Variants in RFX4 observed in about 807,000 individuals in gnomAD.
The protein encoded by RFX4 is transcription factor RFX4.
RFX4 carries 10 observed loss-of-function variants against 95.0 expected under a neutral mutation model. The ratio of observed to expected loss-of-function variants is 0.11; its 90% CI spans 0.06 to 0.18. The LOEUF is 0.18. Among genes scored for constraint, RFX4 ranks in the 10% least tolerant of loss-of-function variants. The probability of loss-of-function intolerance (pLI) is 1.00; values close to 1 mark genes in which losing one functional copy is unlikely to be tolerated. For missense variants in RFX4, 640 were observed against 922.0 expected (o/e 0.69, Z 3.96); for synonymous variants, 321 against 340.7 (o/e 0.94, Z 0.64).
chr12:106,595,121 T>G (rs556668097), intron 1 of RFX4, among the ~76,000 whole-genome samples: 5 of 152,238 alleles, frequency 3.3e-5, no homozygotes, highest in Non-Finnish European at 7.3e-5. Flanking sequence ...TTAACTCACA[T>G]ATTGACTCTA....
intron 2 of RFX4, among the ~76,000 whole-genome samples, chr12:106,618,881 T>C (rs1048662255): frequency 1.3e-5 from 2 of 152,184 alleles, no homozygotes; most frequent in African/African-American, 4.8e-5. Context: ...TGTTTTCTTC[T>C]GCTAGCTTTT....
At chr12:106,664,959 A>G (rs377720125) in intron 4 of RFX4, among the ~76,000 whole-genome samples, 1 of 152,018 alleles carries the variant, frequency 6.6e-6, no homozygotes, top group African/African-American at 2.4e-5. Context: ...AATGTGCCAT[A>G]TAAGTTTGAG....
At chr12:106,733,916 A>G (rs1245362099) in intron 15 of RFX4, among the ~76,000 whole-genome samples, 1 of 152,242 alleles carries the variant, frequency 6.6e-6, no homozygotes, top group Non-Finnish European at 1.5e-5. Context: ...AAAGGCAGAA[A>G]CCACTGAAGC....
At chr12:106,715,309 T>A (rs1288529479) in intron 10 of RFX4, 91 bp from the exon 11 acceptor site, 3 of 1,444,218 alleles carry the variant, frequency 2.1e-6, no homozygotes, top group African/African-American at 2.8e-5. Flanking sequence ...CAAAATACCA[T>A]AAGCAGATGC....
At chr12:106,760,965 T>A (rs1276141401) in intron 17 of RFX4, among the ~76,000 whole-genome samples, 2 of 152,126 alleles carry the variant, frequency 1.3e-5, no homozygotes, top group Non-Finnish European at 2.9e-5. Context: ...AAAGCCAGTA[T>A]AACCGCATGA....
At chr12:106,650,688 A>G (rs1264751046) in intron 3 of RFX4, among the ~76,000 whole-genome samples, 1 of 152,030 alleles carries the variant, frequency 6.6e-6, no homozygotes, top group Non-Finnish European at 1.5e-5. Context: ...AGATGTCGCC[A>G]TTTCACTCCA....
chr12:106,741,764 C>T (rs1263252801), intron 15 of RFX4, among the ~76,000 whole-genome samples: 1 of 151,886 alleles, frequency 6.6e-6, no homozygotes, highest in East Asian at 1.9e-4. Context: ...CACCAGGGAC[C>T]GGTTTTGTGG....
At position 106,709,384 on chromosome 12, in the gene RFX4, G is replaced by C; in HGVS notation, c.888G>C (p.Val296=). 6.2e-7 allele frequency: 1 copy of C among 1,613,270 alleles called. No homozygotes were observed. Among genetic ancestry groups the C allele is most frequent in the Non-Finnish European group, 8.5e-7 (1 of 1,179,836 alleles). Residue 296 remains valine (V), a synonymous_variant, in exon 9 of 18, where the codon GTG becomes GTC. Coordinates refer to ENST00000392842, the MANE Select transcript of RFX4 (RefSeq NM_213594.3). ...AGCAACTGGATGAGTGGCTAAAAGT[G>C]GCTCTCCACGACCTCCCAGAAAACT... ...FAKQLDEWLK[V]ALHDLPENLR... is the part of the protein sequence containing the mutation.
chr12:106,655,135 C>T (rs1321764692), intron 4 of RFX4, among the ~76,000 whole-genome samples: 1 of 152,112 alleles, frequency 6.6e-6, no homozygotes, highest in East Asian at 1.9e-4. Flanking sequence ...GTATGAGTTT[C>T]AGGAATTCCC....
At chr12:106,671,748 G>A (rs548186454) in intron 4 of RFX4, among the ~76,000 whole-genome samples, 4 of 152,116 alleles carry the variant, frequency 2.6e-5, no homozygotes, top group Non-Finnish European at 2.9e-5. Flanking sequence ...TGCAACTTCC[G>A]CCTCTCAGGT....
chr12:106,591,650 C>T (rs2039548119), intron 1 of RFX4, among the ~76,000 whole-genome samples: 2 of 152,190 alleles, frequency 1.3e-5, no homozygotes, highest in African/African-American at 4.8e-5. Flanking sequence ...ACCTTTACTA[C>T]ACACGTGAAA....
intron 3 of RFX4, among the ~76,000 whole-genome samples, chr12:106,649,053 TAAATAGAAGATAAGGA>T (rs1419957663): frequency 1.3e-5 from 2 of 152,038 alleles, no homozygotes. Flanking sequence ...ATCAAGTTGT[TAAATAGAAGATAAGGA>T]AAATGGAAGA....
At chr12:106,671,560 C>CT (rs143800425) in intron 4 of RFX4, among the ~76,000 whole-genome samples, 3 of 152,240 alleles carry the variant, frequency 2.0e-5, no homozygotes, top group African/African-American at 7.2e-5. Context: ...TGGCCAGAGA[C>CT]TGTGAATGGA....
chr12:106,661,334 G>A (rs545556356), intron 4 of RFX4, among the ~76,000 whole-genome samples: 45 of 152,256 alleles, frequency 3.0e-4, no homozygotes, highest in East Asian at 3.9e-4. Context: ...TTTAATCCTC[G>A]CATACTCTGT....
At chr12:106,585,680 G>T (rs1172946686) in intron 1 of RFX4, 2 of 152,204 alleles carry the variant, frequency 1.3e-5, no homozygotes, top group Non-Finnish European at 2.9e-5. Context: ...GTTCGATTCT[G>T]CTCCTTTTGT....
intron 3 of RFX4, among the ~76,000 whole-genome samples, chr12:106,643,872 C>A (rs1233559308): frequency 2.0e-5 from 3 of 152,150 alleles, no homozygotes; most frequent in Non-Finnish European, 4.4e-5. Context: ...TCTTTGCCTT[C>A]TCCTCAAAAG....
At chr12:106,741,082 G>A (rs145485994) in intron 15 of RFX4, among the ~76,000 whole-genome samples, 151 of 152,226 alleles carry the variant, frequency 9.9e-4, no homozygotes, top group Middle Eastern at 6.8e-3. Context: ...TTGCTGCCCC[G>A]GTCAGTTCTG....
At chr12:106,727,414 T>A (rs925093920) in intron 13 of RFX4, among the ~76,000 whole-genome samples, 7 of 152,180 alleles carry the variant, frequency 4.6e-5, no homozygotes, top group Non-Finnish European at 1.0e-4. Flanking sequence ...CCCATTTCTA[T>A]CATGAAAAGA....
intron 5 of RFX4, chr12:106,684,734 A>G: frequency 6.6e-7 from 1 of 1,518,910 alleles, no homozygotes; most frequent in East Asian, 2.5e-5. Context: ...ATGACAGTTG[A>G]GAAGTAGTAG....
Sources: gnomAD v4.1 joint callset for allele counts (sites outside exome capture counted in the v4.1 genomes callset) on GRCh38, gnomAD v4.1.1 for gene constraint, MANE v1.5 for transcripts, NCBI Gene and HGNC (gene_info 2026-07-23, HGNC 2026-07-21) for gene names.